The following CACNA1I variants were observed in gnomAD, a reference collection of about 807,000 sequenced individuals.
The protein encoded by CACNA1I is calcium voltage-gated channel subunit alpha1 I.
In CACNA1I, 74 loss-of-function variants were observed where a neutral mutation model predicts 201.6. That is an observed-to-expected ratio of 0.37 (90% CI 0.30 to 0.45). The LOEUF (loss-of-function observed/expected upper bound fraction) is 0.45. Among genes scored for constraint, CACNA1I ranks in the 20% least tolerant of loss-of-function variants. The probability of loss-of-function intolerance (pLI) is 1.00; values close to 1 mark genes in which losing one functional copy is unlikely to be tolerated. For synonymous variants in CACNA1I, 1,431 were observed against 1,345.2 expected (o/e 1.06, Z -1.40); for missense variants, 2,346 against 3,138.1 (o/e 0.75, Z 6.03).
chr22:39,598,892 C>T (rs936005854), intron 2 of CACNA1I, among the ~76,000 whole-genome samples: 1 of 149,804 alleles, frequency 6.7e-6, no homozygotes, highest in Admixed American at 6.6e-5. Flanking sequence ...GGTGCAACTC[C>T]CTGGGAAAGC....
intron 7 of CACNA1I, among the ~76,000 whole-genome samples, chr22:39,645,378 C>T (rs1246349770): frequency 6.6e-6 from 1 of 152,212 alleles, no homozygotes. Context: ...TGGAGGCCCA[C>T]CCGGGTCGCC....
rs980152718 is a variant in CACNA1I at position 39,673,885 on chromosome 22, C to T, written c.4784-78C>T. ...TTCATGTTCTCTTCTCCCAAGTTTA[C>T]ACACGTGCACACATGCGTGCACACA... On this transcript the variant is annotated intron_variant, in intron 28 of 36. Transcript: ENST00000402142. 200 of 1,363,500 alleles carry T rather than the reference C, an allele frequency of 1.5e-4. 1 individual carries two copies. Among genetic ancestry groups the T allele is most frequent in the Non-Finnish European group, 2.0e-4 (193 of 973,522 alleles). 84.5% of individuals were successfully genotyped at this position (1,363,500 alleles called of 1,614,324 possible).
intron 11 of CACNA1I, 107 bp downstream of exon 11, chr22:39,658,410 G>T: frequency 9.6e-7 from 1 of 1,038,300 alleles, no homozygotes; most frequent in East Asian, 2.6e-5. Flanking sequence ...GAAACCCGTT[G>T]CACTGAAACA....
At chr22:39,646,529 C>A in intron 7 of CACNA1I, 40 bp from the exon 8 acceptor site, 1 of 1,498,286 alleles carries the variant, frequency 6.7e-7, no homozygotes. Context: ...TCCCCTCCAT[C>A]CCTGTCCCTG....
At position 39,648,034 on chromosome 22, in the gene CACNA1I, C is replaced by T. The variant is rs1390529762; in HGVS notation, c.1567+108C>T. On this transcript the variant is annotated intron_variant, in intron 9 of 36. Coordinates refer to ENST00000402142, the MANE Select transcript of CACNA1I (RefSeq NM_021096.4). This position sits in a 1 kb window ranked among gnomAD's most constrained non-coding sequence, Gnocchi z 5.4. ...GGCATGGGGACGGCGCTTGAGCAGC[C>T]GCGACCCTCTGCAGGCCTGTCTCCC... The T allele has an allele frequency of 2.5e-5, 24 of 947,634 alleles. No homozygotes were observed. The highest frequency in any genetic ancestry group is 1.6e-4 in the East Asian group (6 of 38,680). The allele number at this position is 947,634 out of a possible 1,614,324, so 58.7% of individuals were successfully genotyped here.
chr22:39,617,526 A>G (rs1933577984), intron 3 of CACNA1I, among the ~76,000 whole-genome samples: 1 of 151,928 alleles, frequency 6.6e-6, no homozygotes, highest in Non-Finnish European at 1.5e-5. Flanking sequence ...GCTGCCTGCG[A>G]TGGGACTCGG....
chr22:39,672,186 TG>T lies in CACNA1I; in HGVS notation c.4540-12del, dbSNP rs1266572228. The T allele has an allele frequency of 1.3e-6, 2 of 1,568,432 alleles. No homozygotes were observed. The highest frequency in any genetic ancestry group is 1.7e-4 in the Middle Eastern group (1 of 5,938). On this transcript the variant is annotated splice_polypyrimidine_tract_variant and intron_variant, in intron 26 of 36. Coordinates refer to ENST00000402142, the MANE Select transcript of CACNA1I (RefSeq NM_021096.4). ...ATGTGCCCTGGATCATGCTTCTCTT[TG>T]TTCCTCCATAGTCCCTGGAGACAGC...
chr22:39,649,631 C>G lies in CACNA1I; in HGVS notation c.1698C>G (p.Gly566=), dbSNP rs1228121792. The change falls in exon 10 of 37, where the codon GGC becomes GGG. Residue 566 remains glycine, a synonymous_variant. Coordinates refer to ENST00000402142, the MANE Select transcript of CACNA1I (RefSeq NM_021096.4). The surrounding 1 kb of genome is among the most constrained non-coding windows in gnomAD (Gnocchi z 7.3). ...ATGAGGACGGCCGGCGGCCCTCGGGCCTGGGCAGCACCGACTCGGGCCAGG... is the reference window on the plus strand; with the variant it reads ...ATGAGGACGGCCGGCGGCCCTCGGGGCTGGGCAGCACCGACTCGGGCCAGG... ...CQHEDGRRPS[G]LGSTDSGQEG... The G allele has an allele frequency of 8.5e-6, 13 of 1,530,130 alleles. No individual in the cohort carries two copies. The Admixed American group carries it at 1.8e-4, about 21-fold the overall frequency. 94.8% of individuals were successfully genotyped at this position (1,530,130 alleles called of 1,614,324 possible).
rs1451401495 is a variant in CACNA1I at position 39,672,997 on chromosome 22, C to A, written c.4698C>A (p.Ile1566=). The A allele has an allele frequency of 2.5e-6, 4 of 1,613,628 alleles. No homozygotes were observed. The African/African-American group carries it at 4.0e-5, about 16-fold the overall frequency. The change falls in exon 28 of 37, where the codon ATC becomes ATA. Residue 1566 remains isoleucine (I), a synonymous_variant. Transcript: ENST00000402142. ...LAIVLLSVMG[I]TLEEIEINAA... Reference sequence around the variant, plus strand: ...TTGTGCTACTGTCAGTCATGGGCATCACCCTGGAGGAGATCGAGATCAATG... The same window carrying A: ...TTGTGCTACTGTCAGTCATGGGCATAACCCTGGAGGAGATCGAGATCAATG...
At chr22:39,578,401 G>T (rs1932431010) in intron 1 of CACNA1I, among the ~76,000 whole-genome samples, 1 of 151,976 alleles carries the variant, frequency 6.6e-6, no homozygotes, top group Non-Finnish European at 1.5e-5. Context: ...CCTTTCTGGT[G>T]GGGCTACTGG....
intron 33 of CACNA1I, among the ~76,000 whole-genome samples, 192 bp downstream of exon 33, chr22:39,680,060 G>A (rs6001646): frequency 0.079 from 12,090 of 152,278 alleles, 1,630 homozygotes; most frequent in African/African-American, 0.27. Context: ...GTGGTGTGGT[G>A]GCCACAGCTG....
Position 39,598,217 on chromosome 22 carries a change from G to A in CACNA1I, c.303G>A (p.Pro101=). The change falls in exon 2 of 37, where the codon CCG becomes CCA. Residue 101 remains proline (P), a synonymous_variant. Coordinates refer to ENST00000402142, the MANE Select transcript of CACNA1I (RefSeq NM_021096.4). The part of the protein sequence containing the change: ...LNCVTLGMYQ[P]CDDMDCLSDR... ...GCGTGACACTTGGCATGTACCAGCC[G>A]TGCGACGACATGGACTGCCTGTCCG... The A allele has an allele frequency of 6.2e-7, 1 of 1,608,698 alleles. No individual in the cohort carries two copies. Among genetic ancestry groups the A allele is most frequent in the Non-Finnish European group, 8.5e-7 (1 of 1,178,018 alleles).
At position 39,661,946 on chromosome 22, in the gene CACNA1I, G is replaced by T; in HGVS notation, c.2902-19G>T. On this transcript the variant is annotated intron_variant, in intron 16 of 36. Transcript: ENST00000402142. Reference sequence around the variant, plus strand: ...GGGTGTGCCTGTGGGGCGCTGACCCGAACGGGAACTCCTTCCAGTCCAGCT... The same window carrying T: ...GGGTGTGCCTGTGGGGCGCTGACCCTAACGGGAACTCCTTCCAGTCCAGCT... The T allele has an allele frequency of 1.4e-6, 2 of 1,481,104 alleles. No homozygotes were observed. The highest frequency in any genetic ancestry group is 9.0e-7 in the Non-Finnish European group (1 of 1,115,052). The allele number at this position is 1,481,104 out of a possible 1,614,324, so 91.7% of individuals were successfully genotyped here.
intron 25 of CACNA1I, 98 bp from the exon 26 acceptor site, chr22:39,670,705 C>T (rs997034907): frequency 2.6e-5 from 31 of 1,182,120 alleles, no homozygotes; most frequent in Non-Finnish European, 3.7e-5. Context: ...CTCTTTGCCC[C>T]CTCCCTTTCC....
chr22:39,675,824 C>T (rs771881846), intron 29 of CACNA1I, among the ~76,000 whole-genome samples: 15 of 152,144 alleles, frequency 9.9e-5, no homozygotes, highest in Non-Finnish European at 1.5e-4. Context: ...AATAATATGC[C>T]AAGGCACTGT....
Position 39,665,429 on chromosome 22 carries a change from G to A in CACNA1I, c.3852-69G>A. ...TGGGATACTCAGCCCTGGTGACTCTGGGCTGAGTAGGGGCTGCCTCCTGGC... is the reference window on the plus strand; with the variant it reads ...TGGGATACTCAGCCCTGGTGACTCTAGGCTGAGTAGGGGCTGCCTCCTGGC... On this transcript the variant is annotated intron_variant, in intron 21 of 36. Transcript: ENST00000402142. The surrounding 1 kb of genome is among the most constrained non-coding windows in gnomAD (Gnocchi z 5.5). 2 of 1,588,774 alleles carry A rather than the reference G, an allele frequency of 1.3e-6. No individual in the cohort carries two copies. The highest frequency in any genetic ancestry group is 1.7e-6 in the Non-Finnish European group (2 of 1,166,272).
chr22:39,662,348 T>C lies in CACNA1I; in HGVS notation c.3285T>C (p.Asn1095=), dbSNP rs1319645361. The change falls in exon 17 of 37, where the codon AAT becomes AAC. Residue 1095 remains asparagine, a synonymous_variant. Transcript: ENST00000402142. The stretch of plus-strand genomic sequence containing the variant: ...CGGCCCCCGGGCATGAGGACTGCAA[T>C]GGCAGGATGCCCAGCATCGCCAAAG... ...AGPAPGHEDC[N]GRMPSIAKDV... 1.3e-6 allele frequency: 2 copies of C among 1,486,196 alleles called. No homozygotes were observed. The highest frequency in any genetic ancestry group is 1.5e-5 in the African/African-American group (1 of 67,998). The allele number at this position is 1,486,196 out of a possible 1,614,324, so 92.1% of individuals were successfully genotyped here.
intron 3 of CACNA1I, among the ~76,000 whole-genome samples, chr22:39,602,623 T>G (rs1380075207): frequency 2.0e-5 from 3 of 152,172 alleles, no homozygotes; most frequent in Non-Finnish European, 4.4e-5. Flanking sequence ...CATATATTCC[T>G]TTGATCTTTG....
chr22:39,649,509 C>A lies in CACNA1I; in HGVS notation c.1576C>A (p.Pro526Thr). 1.3e-6 allele frequency: 2 copies of A among 1,563,912 alleles called. No homozygotes were observed. The highest frequency in any genetic ancestry group is 2.4e-5 in the East Asian group (1 of 42,368). Residue 526 changes from proline to threonine, a missense_variant, in exon 10 of 37, where the codon CCG becomes ACG. This residue lies in a region of CACNA1I where 312 missense variants were observed against 331.5 expected (regional missense o/e 0.94). Transcript: ENST00000402142. This position sits in a 1 kb window ranked among gnomAD's most constrained non-coding sequence, Gnocchi z 7.3. Reference protein sequence around the residue: ...GNDHSGRELCPQHSPLDATPH... With the variant: ...GNDHSGRELCTQHSPLDATPH... Reference sequence around the variant, plus strand: ...TCTCATTTGCTTTTCAGAGCTGTGCCCGCAACATAGCCCCCTGGATGCGAC... The same window carrying A: ...TCTCATTTGCTTTTCAGAGCTGTGCACGCAACATAGCCCCCTGGATGCGAC...
Sources: gnomAD v4.1 joint callset for allele counts (sites outside exome capture counted in the v4.1 genomes callset) on GRCh38, gnomAD v4.1.1 for gene constraint, gnomAD v4.1.1 regional missense constraint, Gnocchi (gnomAD v3.1) non-coding constraint, MANE v1.5 for transcripts, NCBI Gene and HGNC (gene_info 2026-07-23, HGNC 2026-07-21) for gene names.